PCDHGA10: variants seen among roughly 807,000 people sequenced by gnomAD.
The protein encoded by PCDHGA10 is protocadherin gamma-A10.
A neutral mutation model predicts 59.5 loss-of-function variants in PCDHGA10; 42 were observed. The observed-to-expected ratio is 0.71, with a 90% CI of 0.55 to 0.91. The LOEUF (loss-of-function observed/expected upper bound fraction) is 0.91, where lower values mean the gene tolerates loss of function less well. Among genes scored for constraint, PCDHGA10 ranks in the 40% least tolerant of loss-of-function variants. The probability of loss-of-function intolerance (pLI) is 0.00; values close to 1 mark genes in which losing one functional copy is unlikely to be tolerated. For missense variants in PCDHGA10, 1,111 were observed against 1,198.2 expected (o/e 0.93, Z 1.07); for synonymous variants, 511 against 517.2 (o/e 0.99, Z 0.16).
intron 1 of PCDHGA10, chr5:141,419,774 C>T (rs2096431329): frequency 6.2e-7 from 1 of 1,613,902 alleles, no homozygotes; most frequent in Admixed American, 1.7e-5. Flanking sequence ...GGACTCGGTC[C>T]GCCAGCGCCT....
intron 1 of PCDHGA10, chr5:141,415,818 A>G: frequency 2.3e-6 from 3 of 1,325,056 alleles, no homozygotes; most frequent in Middle Eastern, 2.8e-4. Context: ...CCTATATATC[A>G]TAAGGCTTTG....
chr5:141,494,661 G>A, intron 1 of PCDHGA10, 146 bp from the exon 2 acceptor site: 2 of 1,492,976 alleles, frequency 1.3e-6, no homozygotes, highest in Non-Finnish European at 1.8e-6. Context: ...TTTGTCTTTG[G>A]AGATGAGTCC....
Position 141,476,294 on chromosome 5 carries a change from A to G in PCDHGA10, c.2437-18513A>G. 6.2e-7 allele frequency: 1 copy of G among 1,613,036 alleles called. No homozygotes were observed. The highest frequency in any genetic ancestry group is 8.5e-7 in the Non-Finnish European group (1 of 1,179,642). On this transcript the variant is annotated intron_variant, in intron 1 of 3. Transcript: ENST00000398610. The surrounding 1 kb of genome is among the most constrained non-coding windows in gnomAD (Gnocchi z 7.6). ...CGCGAACCTTGGTTTGGATCTCGGT[A>G]GCCTCTCAGCCCGCAGGTTCCGGGT...
intron 1 of PCDHGA10, among the ~76,000 whole-genome samples, chr5:141,475,532 T>C (rs1011968434): frequency 6.6e-6 from 1 of 152,228 alleles, no homozygotes; most frequent in East Asian, 1.9e-4. Context: ...AAATGCCTCC[T>C]TACAAGTAGG....
intron 1 of PCDHGA10, among the ~76,000 whole-genome samples, chr5:141,481,049 C>A (rs1165894624): frequency 1.3e-5 from 2 of 152,096 alleles, no homozygotes; most frequent in Non-Finnish European, 2.9e-5. Context: ...CAGAGCGAGA[C>A]TCCACCTCAA....
At chr5:141,422,206 G>C (rs1269700250) in intron 1 of PCDHGA10, 2 of 1,562,442 alleles carry the variant, frequency 1.3e-6, no homozygotes, top group East Asian at 4.5e-5. Context: ...AGATGGTGGA[G>C]GTCTCTTTAC....
At position 141,485,320 on chromosome 5, in the gene PCDHGA10, T is replaced by G; in HGVS notation, c.2437-9487T>G. The G allele has an allele frequency of 6.2e-7, 1 of 1,614,114 alleles. No individual in the cohort carries two copies. The highest frequency in any genetic ancestry group is 8.5e-7 in the Non-Finnish European group (1 of 1,180,018). ...AAGGGACTTTTGTAGGGAATGTCGC[T>G]CAAGATTTCCTGCTGGATACGGACA... is the stretch of plus-strand genomic sequence containing the variant. On this transcript the variant is annotated intron_variant, in intron 1 of 3. Transcript: ENST00000398610. The surrounding 1 kb of genome is among the most constrained non-coding windows in gnomAD (Gnocchi z 5.7).
At chr5:141,481,193 A>AT (rs1437708630) in intron 1 of PCDHGA10, among the ~76,000 whole-genome samples, 4 of 152,216 alleles carry the variant, frequency 2.6e-5, no homozygotes, top group African/African-American at 7.2e-5. Context: ...GCCAGGCCCA[A>AT]TTTTTTTAAA....
rs1247556723 is a variant in PCDHGA10 at position 141,489,841 on chromosome 5, G to A, written c.2437-4966G>A. 6.2e-7 allele frequency: 1 copy of A among 1,614,224 alleles called. No individual in the cohort carries two copies. The highest frequency in any genetic ancestry group is 1.7e-5 in the Admixed American group (1 of 60,032). On this transcript the variant is annotated intron_variant, in intron 1 of 3. Coordinates refer to ENST00000398610, the MANE Select transcript of PCDHGA10 (RefSeq NM_018913.3). The surrounding 1 kb of genome is among the most constrained non-coding windows in gnomAD (Gnocchi z 4.5). Reference sequence around the variant, plus strand: ...AGAGCTGGTGCTAGAGCAGCAGCTGGATCGTGAAGCCCAGGCAAGACATCA... The same window carrying A: ...AGAGCTGGTGCTAGAGCAGCAGCTGAATCGTGAAGCCCAGGCAAGACATCA...
In PCDHGA10 at chr5:141,421,851, T is replaced by A. The variant is rs771169063; in HGVS notation, c.2436+6240T>A. 16 of 1,613,596 alleles carry A rather than the reference T, an allele frequency of 9.9e-6. No homozygotes were observed. The Middle Eastern group carries it at 4.9e-4, about 50-fold the overall frequency. On this transcript the variant is annotated intron_variant, in intron 1 of 3. Coordinates refer to ENST00000398610, the MANE Select transcript of PCDHGA10 (RefSeq NM_018913.3). ...GCCTGGACCGAGAGAAAGAGGCTGC[T>A]CACCTGCTCCTCCTCACAGCTTTAG...
intron 1 of PCDHGA10, among the ~76,000 whole-genome samples, chr5:141,447,779 A>T (rs770299374): frequency 2.0e-5 from 3 of 152,210 alleles, no homozygotes; most frequent in Non-Finnish European, 4.4e-5. Flanking sequence ...ACTTTAATTG[A>T]AAATAAATTT....
rs779317191 is a variant in PCDHGA10, at chr5:141,432,553, C to G, written c.2436+16942C>G. The G allele has an allele frequency of 2.6e-5, 42 of 1,613,748 alleles. No individual in the cohort carries two copies. The highest frequency in any genetic ancestry group is 2.0e-4 in the South Asian group (18 of 91,068). The stretch of plus-strand genomic sequence containing the variant: ...AGGTGGTGGCGGTGGACAGAGACTC[C>G]GGCCAGAACGCCTGGCTGTCCTACC... On this transcript the variant is annotated intron_variant, in intron 1 of 3. Coordinates refer to ENST00000398610, the MANE Select transcript of PCDHGA10 (RefSeq NM_018913.3). The surrounding 1 kb of genome is among the most constrained non-coding windows in gnomAD (Gnocchi z 6.0).
intron 1 of PCDHGA10, among the ~76,000 whole-genome samples, chr5:141,468,791 G>A (rs941787269): frequency 2.6e-5 from 4 of 151,954 alleles, no homozygotes; most frequent in East Asian, 3.9e-4. Context: ...GCGTGAACCC[G>A]GGAGGCGGAA....
chr5:141,501,831 C>G (rs1246452764), intron 2 of PCDHGA10, among the ~76,000 whole-genome samples: 1 of 152,176 alleles, frequency 6.6e-6, no homozygotes, highest in African/African-American at 2.4e-5. Context: ...GCCCACCCAC[C>G]TGTTTGGCCC....
chr5:141,499,402 A>G (rs2099791723), intron 2 of PCDHGA10, among the ~76,000 whole-genome samples: 2 of 152,212 alleles, frequency 1.3e-5, no homozygotes, highest in South Asian at 4.1e-4. Context: ...GTACATGCTC[A>G]TTATAGAAAC....
In PCDHGA10 at chr5:141,460,961, A is replaced by ATATGTGTGTG. The variant is rs1463306338; in HGVS notation, c.2437-33845_2437-33844insATGTGTGTGT. On this transcript the variant is annotated intron_variant, in intron 1 of 3. Coordinates refer to ENST00000398610, the MANE Select transcript of PCDHGA10 (RefSeq NM_018913.3). ...ATATATATGTATTATGTATATATAT[A>ATATGTGTGTG]TGTGTGTGTGTGTGTGTGTGTGTAT... Among the ~76,000 whole-genome samples the ATATGTGTGTG allele has an allele frequency of 1.3e-3, 194 of 144,616 alleles. 1 individual carries two copies. The highest frequency in any genetic ancestry group is 4.7e-3 in the African/African-American group (182 of 38,716). 94.9% of individuals were successfully genotyped at this position (144,616 alleles called of 152,430 possible). A position where few individuals can be genotyped will look rare whatever the true frequency, so the allele number is the denominator to read the frequency against.
intron 2 of PCDHGA10, among the ~76,000 whole-genome samples, chr5:141,497,248 G>A (rs1442942520): frequency 6.6e-6 from 1 of 152,128 alleles, no homozygotes; most frequent in African/African-American, 2.4e-5. Context: ...AGGAGGAGGT[G>A]ACATTGAGAA....
chr5:141,509,499 T>C (rs895353804), intron 3 of PCDHGA10, among the ~76,000 whole-genome samples: 1 of 152,128 alleles, frequency 6.6e-6, no homozygotes, highest in Non-Finnish European at 1.5e-5. Flanking sequence ...GCATGCTGGA[T>C]GTGACGGTGT....
intron 1 of PCDHGA10, chr5:141,417,742 G>A: frequency 7.0e-7 from 1 of 1,418,808 alleles, no homozygotes. Flanking sequence ...CAGCACACCA[G>A]ATTGCCAGCT....
Sources: allele counts gnomAD v4.1 joint callset (sites outside exome capture counted in the v4.1 genomes callset), GRCh38; gene constraint gnomAD v4.1.1; non-coding constraint Gnocchi (gnomAD v3.1); transcripts MANE v1.5; gene names NCBI Gene and HGNC (gene_info 2026-07-23, HGNC 2026-07-21).